ERCC4: variants seen among roughly 807,000 people sequenced by gnomAD.
ERCC4 encodes DNA repair endonuclease XPF.
A neutral mutation model predicts 76.9 loss-of-function variants in ERCC4; 65 were observed. The observed-to-expected ratio is 0.84, with a 90% CI of 0.69 to 1.04. ERCC4 has a LOEUF of 1.04. ERCC4 is among the 50% of genes least tolerant of loss of function. ERCC4 has a pLI of 0.00. For synonymous variants in ERCC4, 463 were observed against 410.1 expected (o/e 1.13, Z -1.56); for missense variants, 1,214 against 1,128.2 (o/e 1.08, Z -1.09).
intron 8 of ERCC4, 67 bp from the exon 9 acceptor site, chr16:13,937,699 T>C (rs2032328215): frequency 1.0e-6 from 1 of 953,822 alleles, no homozygotes; most frequent in Non-Finnish European, 1.7e-6. Flanking sequence ...TTTCACATGT[T>C]CTGCTGTTCC....
At chr16:13,933,496 G>A (rs1302695747) in intron 6 of ERCC4, 1 of 152,898 alleles carries the variant, frequency 6.5e-6, no homozygotes, top group East Asian at 1.9e-4. Flanking sequence ...ATCACCTGAG[G>A]TCAGGAGTTC....
intron 2 of ERCC4, among the ~76,000 whole-genome samples, chr16:13,924,186 A>G (rs975688052): frequency 2.0e-5 from 3 of 152,192 alleles, no homozygotes; most frequent in African/African-American, 7.2e-5. Context: ...AAGTGCAGGT[A>G]ACCCTCTGGA....
At chr16:13,935,112 GTAA>G (rs1410008111) in intron 7 of ERCC4, 31 bp from the exon 8 acceptor site, 1 of 1,479,046 alleles carries the variant, frequency 6.8e-7, no homozygotes, top group Non-Finnish European at 9.5e-7. Context: ...GACAAGTGAG[GTAA>G]TAGTAACATA....
At position 13,926,724 on chromosome 16, in the gene ERCC4, T is replaced by C; in HGVS notation, c.552T>C (p.Asn184=). ...GFCHVERVMR[N]LFVRKLYLWP... Reference sequence around the variant, plus strand: ...GTCATGTGGAAAGAGTGATGAGAAATCTTTTTGTGAGGAAACTGTATCTGT... The same window carrying C: ...GTCATGTGGAAAGAGTGATGAGAAACCTTTTTGTGAGGAAACTGTATCTGT... Residue 184 remains asparagine, a synonymous_variant, in exon 3 of 11, where the codon AAT becomes AAC. Coordinates refer to ENST00000311895, the MANE Select transcript of ERCC4 (RefSeq NM_005236.3). 1.9e-6 allele frequency: 3 copies of C among 1,614,000 alleles called. No individual in the cohort carries two copies. The highest frequency in any genetic ancestry group is 2.5e-6 in the Non-Finnish European group (3 of 1,179,918).
At chr16:13,936,696 G>A (rs932704474) in intron 8 of ERCC4, among the ~76,000 whole-genome samples, 10 of 152,338 alleles carry the variant, frequency 6.6e-5, no homozygotes, top group Non-Finnish European at 1.0e-4. Flanking sequence ...TGACACATCC[G>A]TGGGAGAGCT....
chr16:13,920,543 C>T (rs1021716942), intron 1 of ERCC4, among the ~76,000 whole-genome samples, 171 bp downstream of exon 1: 3 of 151,794 alleles, frequency 2.0e-5, no homozygotes, highest in Non-Finnish European at 2.9e-5. Context: ...ATGCAGGTCC[C>T]TCACACTGCG....
At chr16:13,934,554 G>GT in intron 7 of ERCC4, 1 of 451,594 alleles carries the variant, frequency 2.2e-6, no homozygotes. Flanking sequence ...GTATATTCAT[G>GT]AAAGCAGGTT....
chr16:13,950,761 T>A lies in ERCC4; in HGVS notation c.*2414T>A, dbSNP rs572906300. 1 of 193,700 alleles carries A rather than the reference T, an allele frequency of 5.2e-6. No individual in the cohort carries two copies. Among genetic ancestry groups the A allele is most frequent in the African/African-American group, 2.3e-5 (1 of 43,258 alleles). 12.0% of individuals were successfully genotyped at this position (193,700 alleles called of 1,614,324 possible). A position where few individuals can be genotyped will look rare whatever the true frequency, so the allele number is the denominator to read the frequency against. On this transcript the variant is annotated 3_prime_UTR_variant, in exon 11 of 11. Transcript: ENST00000311895. Reference sequence around the variant, plus strand: ...CTTGCTTTTAATTGTTGTTTCATTATATAAAAGGAACATCTTCCCATAGCA... The same window carrying A: ...CTTGCTTTTAATTGTTGTTTCATTAAATAAAAGGAACATCTTCCCATAGCA...
At chr16:13,933,200 A>G (rs2032217568) in intron 6 of ERCC4, 1 of 181,310 alleles carries the variant, frequency 5.5e-6, no homozygotes, top group Non-Finnish European at 1.2e-5. Flanking sequence ...AGCCTGGGTG[A>G]CAGAGTACGA....
intron 6 of ERCC4, chr16:13,932,528 A>C (rs1472019579): frequency 3.5e-6 from 2 of 572,572 alleles, no homozygotes; most frequent in African/African-American, 3.8e-5. Flanking sequence ...AGGGCTTCCA[A>C]ATAACAGATG....
At chr16:13,927,931 G>A in intron 3 of ERCC4, 97 bp from the exon 4 acceptor site, 3 of 849,138 alleles carry the variant, frequency 3.5e-6, no homozygotes, top group Non-Finnish European at 5.9e-6. Flanking sequence ...TTTTCGTGTT[G>A]TTTGTAGCAT....
At chr16:13,938,370 G>A in intron 9 of ERCC4, among the ~76,000 whole-genome samples, 1 of 152,150 alleles carries the variant, frequency 6.6e-6, no homozygotes. Context: ...ACACGTGTAT[G>A]TTTTTAAGAA....
At chr16:13,940,107 T>C (rs1332568209) in intron 9 of ERCC4, among the ~76,000 whole-genome samples, 1 of 152,190 alleles carries the variant, frequency 6.6e-6, no homozygotes, top group Non-Finnish European at 1.5e-5. Flanking sequence ...AGATTAAGAC[T>C]GGATGCAGTG....
At chr16:13,944,879 G>A in intron 10 of ERCC4, 44 bp downstream of exon 10, 10 of 1,223,318 alleles carry the variant, frequency 8.2e-6, no homozygotes, top group Non-Finnish European at 1.2e-5. Flanking sequence ...CCTGCAAAGG[G>A]GGCTGTGAAG....
intron 8 of ERCC4, among the ~76,000 whole-genome samples, chr16:13,937,348 A>T (rs977608782): frequency 5.3e-5 from 8 of 151,970 alleles, no homozygotes; most frequent in Non-Finnish European, 8.8e-5. Context: ...GACATGAATT[A>T]AAAAAAACGT....
chr16:13,944,239 C>A (rs1007295516), intron 9 of ERCC4: 1 of 156,198 alleles, frequency 6.4e-6, no homozygotes, highest in African/African-American at 2.4e-5. Context: ...AATGGGACCT[C>A]CCACCTGGAG....
intron 10 of ERCC4, among the ~76,000 whole-genome samples, chr16:13,945,398 C>A (rs2032494855): frequency 6.6e-6 from 1 of 152,158 alleles, no homozygotes; most frequent in Non-Finnish European, 1.5e-5. Flanking sequence ...CTGCTGAATT[C>A]CAAGTGCACT....
chr16:13,932,358 TA>T, intron 6 of ERCC4, 73 bp downstream of exon 6: 10 of 1,391,840 alleles, frequency 7.2e-6, no homozygotes, highest in Non-Finnish European at 1.0e-5. Flanking sequence ...AAGTGCAATT[TA>T]AAGTCTTCTT....
intron 10 of ERCC4, 150 bp from the exon 11 acceptor site, chr16:13,947,464 T>C: frequency 1.1e-6 from 1 of 919,882 alleles, no homozygotes; most frequent in South Asian, 1.6e-5. Context: ...ACAAATCTTT[T>C]TGAAAATATA....
Sources: allele counts gnomAD v4.1 joint callset (sites outside exome capture counted in the v4.1 genomes callset), GRCh38; gene constraint gnomAD v4.1.1; transcripts MANE v1.5; gene names NCBI Gene and HGNC (gene_info 2026-07-23, HGNC 2026-07-21).